Variants in SRD5A2 observed in about 807,000 individuals in gnomAD.
The protein encoded by SRD5A2 is 3-oxo-5-alpha-steroid 4-dehydrogenase 2.
SRD5A2 carries 30 observed loss-of-function variants against 27.4 expected under a neutral mutation model. That is an observed-to-expected ratio of 1.10 (90% CI 0.82 to 1.49). The LOEUF is 1.49. SRD5A2 is among the 40% of genes most tolerant of loss of function. SRD5A2 has a pLI of 0.00. For missense variants in SRD5A2, 348 were observed against 323.4 expected (o/e 1.08, Z -0.58); for synonymous variants, 141 against 133.6 (o/e 1.06, Z -0.38).
the SRD5A2 span, among the ~76,000 whole-genome samples, chr2:31,643,756 G>C: frequency 3.9e-5 from 6 of 152,102 alleles, no homozygotes; most frequent in African/African-American, 1.4e-4. Flanking sequence ...GGAAATTTGA[G>C]CCTCAAAATA....
At chr2:31,638,467 T>C in the SRD5A2 span, among the ~76,000 whole-genome samples, 9 of 152,034 alleles carry the variant, frequency 5.9e-5, no homozygotes, top group Admixed American at 2.0e-4. Context: ...TGTAGTTTAA[T>C]GTTTCTTTGT....
At chr2:31,623,793 G>C in the SRD5A2 span, among the ~76,000 whole-genome samples, 1 of 151,960 alleles carries the variant, frequency 6.6e-6, no homozygotes, top group Non-Finnish European at 1.5e-5. Context: ...ATCTAGTTTA[G>C]TAAGAGTTTT....
the SRD5A2 span, among the ~76,000 whole-genome samples, chr2:31,621,095 G>C: frequency 8.8e-3 from 1,327 of 151,634 alleles, 20 homozygotes; most frequent in African/African-American, 0.031. Context: ...AATAGGAAGA[G>C]ATCCTGTGCA....
chr2:31,647,808 T>C, the SRD5A2 span, among the ~76,000 whole-genome samples: 1 of 152,234 alleles, frequency 6.6e-6, no homozygotes, highest in East Asian at 1.9e-4. Flanking sequence ...CATTATATCT[T>C]GAAGATAATG....
the SRD5A2 span, among the ~76,000 whole-genome samples, chr2:31,650,059 C>T: frequency 6.6e-6 from 1 of 152,060 alleles, no homozygotes; most frequent in East Asian, 1.9e-4. Flanking sequence ...ATTTCAGGCT[C>T]ATGTGCTCCC....
At chr2:31,577,498 A>G (rs2148104138) in intron 1 of SRD5A2, among the ~76,000 whole-genome samples, 1 of 152,328 alleles carries the variant, frequency 6.6e-6, no homozygotes, top group East Asian at 1.9e-4. Flanking sequence ...AAAGTGAGAC[A>G]AAAACCTTTG....
chr2:31,642,696 C>A, the SRD5A2 span, among the ~76,000 whole-genome samples: 1 of 151,972 alleles, frequency 6.6e-6, no homozygotes, highest in African/African-American at 2.4e-5. Flanking sequence ...GAAAAGTCCA[C>A]AAACATACTC....
At chr2:31,609,208 T>A in the SRD5A2 span, among the ~76,000 whole-genome samples, 1 of 152,070 alleles carries the variant, frequency 6.6e-6, no homozygotes, top group East Asian at 1.9e-4. Flanking sequence ...CTGAGCAAAC[T>A]AAGATACTAT....
intron 1 of SRD5A2, among the ~76,000 whole-genome samples, chr2:31,557,206 T>C (rs1163685166): frequency 6.6e-6 from 1 of 152,114 alleles, no homozygotes; most frequent in Non-Finnish European, 1.5e-5. Context: ...GCTTTAGAAA[T>C]ATTAAAGGGG....
chr2:31,573,311 A>G (rs1666889495), intron 1 of SRD5A2, among the ~76,000 whole-genome samples: 2 of 152,240 alleles, frequency 1.3e-5, no homozygotes, highest in African/African-American at 4.8e-5. Context: ...TCTCCCTTCT[A>G]TAACCAAATG....
At chr2:31,554,278 T>C (rs569159909) in intron 1 of SRD5A2, among the ~76,000 whole-genome samples, 28 of 152,226 alleles carry the variant, frequency 1.8e-4, no homozygotes, top group African/African-American at 6.7e-4. Context: ...ACTAACTCCC[T>C]GAAAAAAAAG....
intron 1 of SRD5A2, among the ~76,000 whole-genome samples, chr2:31,541,475 G>A (rs1304237780): frequency 6.6e-6 from 1 of 152,110 alleles, no homozygotes; most frequent in African/African-American, 2.4e-5. Context: ...TAAAATAACT[G>A]TCTTGAAGAT....
upstream of SRD5A2, among the ~76,000 whole-genome samples, chr2:31,583,893 G>A (rs1667131058): frequency 6.6e-6 from 1 of 152,064 alleles, no homozygotes; most frequent in Admixed American, 6.6e-5. Flanking sequence ...CCAGTGTTAG[G>A]AGGCAGCTGG....
the SRD5A2 span, among the ~76,000 whole-genome samples, chr2:31,632,282 T>C: frequency 1.3e-5 from 2 of 152,178 alleles, no homozygotes; most frequent in Non-Finnish European, 2.9e-5. Context: ...AAGTGGACTT[T>C]GGTGGCTCTG....
chr2:31,645,415 T>C, the SRD5A2 span, among the ~76,000 whole-genome samples: 1 of 152,154 alleles, frequency 6.6e-6, no homozygotes, highest in African/African-American at 2.4e-5. Context: ...ATCCCATAAA[T>C]ACATACACCT....
At chr2:31,530,940 C>T (rs1665894612) in intron 3 of SRD5A2, among the ~76,000 whole-genome samples, 1 of 152,190 alleles carries the variant, frequency 6.6e-6, no homozygotes, top group East Asian at 1.9e-4. Context: ...AGGAAATACG[C>T]AAGTTCTAGC....
chr2:31,578,154 T>C (rs1201102852), intron 1 of SRD5A2, among the ~76,000 whole-genome samples: 25 of 152,172 alleles, frequency 1.6e-4, no homozygotes, highest in Non-Finnish European at 2.9e-5. Flanking sequence ...AAAACATTAA[T>C]ATTTAATATA....
chr2:31,652,145 G>A, the SRD5A2 span, among the ~76,000 whole-genome samples: 11 of 152,084 alleles, frequency 7.2e-5, no homozygotes, highest in East Asian at 1.9e-4. Context: ...TTGTAGAGAC[G>A]GGGTTTTGCC....
At chr2:31,574,099 C>T (rs1486889400) in intron 1 of SRD5A2, among the ~76,000 whole-genome samples, 4 of 152,200 alleles carry the variant, frequency 2.6e-5, no homozygotes, top group Admixed American at 1.3e-4. Context: ...GGCGGGGGCC[C>T]GTGCTAACCA....
Sources: allele counts gnomAD v4.1 joint callset (sites outside exome capture counted in the v4.1 genomes callset), GRCh38; gene constraint gnomAD v4.1.1; transcripts MANE v1.5; gene names NCBI Gene and HGNC (gene_info 2026-07-23, HGNC 2026-07-21).